Variants in GC observed in about 807,000 individuals in gnomAD.
The protein encoded by GC is GC vitamin D binding protein, also known as vitamin D-binding protein.
In GC, 43 loss-of-function variants were observed where a neutral mutation model predicts 56.7. The ratio of observed to expected loss-of-function variants is 0.76; its 90% CI spans 0.59 to 0.98. GC has a LOEUF of 0.98. GC is among the 50% of genes least tolerant of loss of function. The pLI is 0.00. For missense variants in GC, 529 were observed against 545.9 expected (o/e 0.97, Z 0.31); for synonymous variants, 216 against 202.7 (o/e 1.07, Z -0.56).
chr4:71,770,754 G>A (rs1742317955), intron 1 of GC, among the ~76,000 whole-genome samples: 1 of 152,104 alleles, frequency 6.6e-6, no homozygotes, highest in Non-Finnish European at 1.5e-5. Context: ...AACTGAAACA[G>A]GCCTGAATGG....
intron 1 of GC, among the ~76,000 whole-genome samples, chr4:71,795,512 G>A (rs1743076147): frequency 6.6e-6 from 1 of 152,126 alleles, no homozygotes; most frequent in Non-Finnish European, 1.5e-5. Flanking sequence ...TTGCTTGGTA[G>A]ATCTTCCTCC....
chr4:71,777,511 T>C (rs1742544964), intron 1 of GC, among the ~76,000 whole-genome samples: 1 of 150,888 alleles, frequency 6.6e-6, no homozygotes, highest in Non-Finnish European at 1.5e-5. Context: ...TCCTTAGATA[T>C]ATTTGCTAAG....
chr4:71,745,086 T>A (rs1381929170), intron 12 of GC, among the ~76,000 whole-genome samples: 2 of 152,186 alleles, frequency 1.3e-5, no homozygotes, highest in African/African-American at 4.8e-5. Flanking sequence ...AATATTCATT[T>A]TTACTGCTTT....
intron 1 of GC, among the ~76,000 whole-genome samples, chr4:71,783,335 A>G (rs1025403006): frequency 1.3e-5 from 2 of 151,838 alleles, no homozygotes; most frequent in African/African-American, 4.8e-5. Flanking sequence ...TCATGTAAAA[A>G]AATTTTTAAA....
chr4:71,773,225 AC>A (rs1047176492), intron 1 of GC, among the ~76,000 whole-genome samples: 9 of 151,786 alleles, frequency 5.9e-5, no homozygotes, highest in African/African-American at 1.9e-4. Flanking sequence ...ACATGAAGTG[AC>A]CCCCCACAGT....
At chr4:71,742,587 G>A (rs1228499766) in intron 12 of GC, among the ~76,000 whole-genome samples, 1 of 152,136 alleles carries the variant, frequency 6.6e-6, no homozygotes. Flanking sequence ...TCTACACTGT[G>A]AGCCAATTCA....
chr4:71,782,586 A>G (rs571323143), intron 1 of GC, among the ~76,000 whole-genome samples: 4 of 151,818 alleles, frequency 2.6e-5, no homozygotes, highest in African/African-American at 9.7e-5. Flanking sequence ...AGATTGCAGA[A>G]TGCTCTGTTA....
At chr4:71,760,742 T>G (rs1741941965) in intron 6 of GC, among the ~76,000 whole-genome samples, 1 of 152,120 alleles carries the variant, frequency 6.6e-6, no homozygotes, top group Non-Finnish European at 1.5e-5. Flanking sequence ...GCTGTTCCCG[T>G]GACAGTGAAT....
intron 1 of GC, chr4:71,769,678 G>C: frequency 3.1e-6 from 1 of 319,600 alleles, no homozygotes. Flanking sequence ...GTCAACTAGT[G>C]AGTCAGAAGC....
At chr4:71,760,852 T>TC (rs1481299523) in intron 6 of GC, among the ~76,000 whole-genome samples, 9 of 152,182 alleles carry the variant, frequency 5.9e-5, no homozygotes, top group African/African-American at 1.9e-4. Context: ...TGCTCCTCCT[T>TC]GCCTTCCACC....
chr4:71,754,509 C>T lies in GC; in HGVS notation c.1165-1G>A, dbSNP rs1177812927. ...ATAGTTCCTTCTTTAGTAGAGGGCC[C>T]TGTAAGAAAACAATAATTGCATAAC... On this transcript the variant is annotated splice_acceptor_variant, in intron 9 of 12. Coordinates refer to ENST00000273951, the MANE Select transcript of GC (RefSeq NM_000583.4). LOFTEE classifies it high-confidence loss of function. 3.4e-6 allele frequency: 5 copies of T among 1,472,066 alleles called. No homozygotes were observed. The highest frequency in any genetic ancestry group is 1.4e-5 in the African/African-American group (1 of 71,902). The allele number at this position is 1,472,066 out of a possible 1,614,324, so 91.2% of individuals were successfully genotyped here. A position where few individuals can be genotyped will look rare whatever the true frequency, so the allele number is the denominator to read the frequency against.
intron 4 of GC, among the ~76,000 whole-genome samples, chr4:71,764,412 A>G (rs1479225938): frequency 4.6e-5 from 7 of 152,210 alleles, no homozygotes; most frequent in African/African-American, 7.2e-5. Flanking sequence ...ATTAATCAGT[A>G]TATTCATTCA....
At chr4:71,763,037 T>C (rs1742036268) in intron 6 of GC, among the ~76,000 whole-genome samples, 1 of 152,136 alleles carries the variant, frequency 6.6e-6, no homozygotes, top group Admixed American at 6.6e-5. Flanking sequence ...CCAAGAAAAA[T>C]TGGGCAAGGC....
At chr4:71,769,267 AC>A in intron 2 of GC, 63 bp downstream of exon 2, 5 of 1,191,512 alleles carry the variant, frequency 4.2e-6, no homozygotes, top group Non-Finnish European at 6.2e-6. Flanking sequence ...AGTCAAAGTT[AC>A]CTCACACTCA....
chr4:71,785,139 G>A (rs1315963724), upstream of GC, among the ~76,000 whole-genome samples: 1 of 151,666 alleles, frequency 6.6e-6, no homozygotes, highest in Non-Finnish European at 1.5e-5. Flanking sequence ...TATGCAATGT[G>A]GTGATAACTC....
chr4:71,757,952 A>G (rs111632740), intron 7 of GC, 90 bp downstream of exon 7: 22 of 1,030,420 alleles, frequency 2.1e-5, no homozygotes, highest in Non-Finnish European at 3.0e-5. Flanking sequence ...GATAATGCAT[A>G]TGAAATAGAA....
At chr4:71,768,051 A>C (rs1281590709) in intron 3 of GC, among the ~76,000 whole-genome samples, 1 of 152,136 alleles carries the variant, frequency 6.6e-6, no homozygotes, top group African/African-American at 2.4e-5. Context: ...TCTTGCTAGC[A>C]ATGTACATTT....
At chr4:71,755,789 T>C (rs1741748859) in intron 8 of GC, among the ~76,000 whole-genome samples, 1 of 152,220 alleles carries the variant, frequency 6.6e-6, no homozygotes, top group Non-Finnish European at 1.5e-5. Flanking sequence ...CTGTGAAAAT[T>C]GGTTTGTGTA....
intron 1 of GC, among the ~76,000 whole-genome samples, chr4:71,775,766 T>A (rs779616631): frequency 6.6e-6 from 1 of 151,804 alleles, no homozygotes; most frequent in Non-Finnish European, 1.5e-5. Context: ...TGATAACAGG[T>A]TAATATACAA....
Sources: gnomAD v4.1 joint callset for allele counts (sites outside exome capture counted in the v4.1 genomes callset) on GRCh38, gnomAD v4.1.1 for gene constraint, MANE v1.5 for transcripts, NCBI Gene and HGNC (gene_info 2026-07-23, HGNC 2026-07-21) for gene names.